The following ITGB2 variants were observed in gnomAD, a reference collection of about 807,000 sequenced individuals.
ITGB2 encodes the protein integrin beta-2.
Under a neutral mutation model 86.8 loss-of-function variants are expected in ITGB2, and 56 were observed. That is an observed-to-expected ratio of 0.65 (90% CI 0.52 to 0.81). The LOEUF is 0.81. ITGB2 is among the 30% of genes least tolerant of loss of function. The probability of loss-of-function intolerance (pLI) is 0.00; values close to 1 mark genes in which losing one functional copy is unlikely to be tolerated. For missense variants in ITGB2, 948 were observed against 1,061.2 expected, an observed-to-expected ratio of 0.89 and a Z score of 1.48; for synonymous variants, 457 against 450.4, an observed-to-expected ratio of 1.01 and a Z score of -0.19.
chr21:44,887,460 G>C (rs933308105), intron 14 of ITGB2, among the ~76,000 whole-genome samples: 2 of 152,092 alleles, frequency 1.3e-5, no homozygotes, highest in South Asian at 4.1e-4. Flanking sequence ...TGCTGACCCT[G>C]GGACAGACAC....
intron 10 of ITGB2, among the ~76,000 whole-genome samples, chr21:44,892,385 C>T (rs1359471030): frequency 1.3e-5 from 2 of 152,110 alleles, no homozygotes; most frequent in African/African-American, 2.4e-5. Context: ...TGTGGGAGGC[C>T]GAGGCGGGTA....
chr21:44,888,616 C>T lies in ITGB2; in HGVS notation c.2080+77G>A, dbSNP rs569637858. On this transcript the variant is annotated intron_variant, in intron 14 of 15. Coordinates refer to ENST00000652462, the MANE Select transcript of ITGB2 (RefSeq NM_000211.5). The stretch of plus-strand genomic sequence containing the variant: ...AACACTGGAGGTGAGATCCTCCTTC[C>T]GCACCACCCTCGCCTCTGCGGAGAC... 360 of 1,505,470 alleles carry T rather than the reference C, an allele frequency of 2.4e-4. 1 individual carries two copies. The highest frequency in any genetic ancestry group is 2.5e-4 in the Non-Finnish European group (277 of 1,099,244). The allele number at this position is 1,505,470 out of a possible 1,614,324, so 93.3% of individuals were successfully genotyped here.
chr21:44,889,021 G>T, intron 13 of ITGB2, 126 bp from the exon 14 acceptor site: 2 of 797,578 alleles, frequency 2.5e-6, no homozygotes, highest in Non-Finnish European at 4.1e-6. Context: ...GGCCAAGGAG[G>T]GGGCCCAAGT....
At chr21:44,917,624 G>A (rs573729042) in intron 1 of ITGB2, among the ~76,000 whole-genome samples, 1 of 152,214 alleles carries the variant, frequency 6.6e-6, no homozygotes, top group East Asian at 1.9e-4. Flanking sequence ...CATGGGACAG[G>A]GGCTTGCCAG....
chr21:44,890,633 C>T (rs1367649281), intron 11 of ITGB2, among the ~76,000 whole-genome samples: 5 of 152,328 alleles, frequency 3.3e-5, no homozygotes, highest in East Asian at 1.9e-4. Context: ...CTCCTGCGTT[C>T]GTGCACTGAC....
rs149429459 is a variant in ITGB2, at chr21:44,907,048, C to G, written c.195G>C (p.Arg65=). The G allele has an allele frequency of 9.1e-5, 146 of 1,612,262 alleles. No homozygotes were observed. In the African/African-American group the frequency reaches 1.8e-3, roughly 20 times the overall value. Reference sequence around the variant, plus strand: ...CACAGCCCCTCATGAGCAGCTGTGGCCGGGTGTCGCAGCGAATGGAGTCAG... The same window carrying G: ...CACAGCCCCTCATGAGCAGCTGTGGGCGGGTGTCGCAGCGAATGGAGTCAG... ...GDPDSIRCDT[R]PQLLMRGCAA... The change falls in exon 4 of 16, where the codon CGG becomes CGC. Residue 65 remains arginine (R), a synonymous_variant. Coordinates refer to ENST00000652462, the MANE Select transcript of ITGB2 (RefSeq NM_000211.5).
At chr21:44,915,991 C>T (rs140251554) in intron 1 of ITGB2, among the ~76,000 whole-genome samples, 2,142 of 152,198 alleles carry the variant, frequency 0.014, 54 homozygotes, top group African/African-American at 0.048. Context: ...GGCTAGATCT[C>T]GGCTCACTGC....
At chr21:44,911,227 CATA>C (rs1442356882) in intron 1 of ITGB2, 2 of 278,032 alleles carry the variant, frequency 7.2e-6, no homozygotes, top group Non-Finnish European at 1.4e-5. Flanking sequence ...TTACCCACAC[CATA>C]CTCCCCGCAA....
chr21:44,897,473 C>T (rs1007926588), intron 8 of ITGB2, among the ~76,000 whole-genome samples: 2 of 152,198 alleles, frequency 1.3e-5, no homozygotes, highest in Non-Finnish European at 2.9e-5. Flanking sequence ...GCCAGCAGGT[C>T]GGTCACTGTC....
At chr21:44,905,053 G>A (rs759528231) in intron 4 of ITGB2, among the ~76,000 whole-genome samples, 4 of 152,242 alleles carry the variant, frequency 2.6e-5, no homozygotes, top group Non-Finnish European at 5.9e-5. Flanking sequence ...CATGGAGGAG[G>A]CAGCCAAGAC....
intron 10 of ITGB2, among the ~76,000 whole-genome samples, chr21:44,892,346 G>A (rs1269358689): frequency 2.6e-5 from 4 of 151,722 alleles, no homozygotes; most frequent in East Asian, 1.9e-4. Context: ...ACAGCTGGGC[G>A]CCGCGGCTCA....
At chr21:44,922,900 C>G (rs570806641), upstream of ITGB2, 1 of 152,178 alleles carries the variant, frequency 6.6e-6, no homozygotes, top group Non-Finnish European at 1.5e-5. Flanking sequence ...TCAAGGGTAT[C>G]TTCTCATTAC....
chr21:44,895,357 C>T (rs2083850197), intron 8 of ITGB2, among the ~76,000 whole-genome samples: 1 of 151,818 alleles, frequency 6.6e-6, no homozygotes. Flanking sequence ...TAAGAAGACC[C>T]CATCTCTACA....
intron 8 of ITGB2, among the ~76,000 whole-genome samples, chr21:44,897,186 T>C (rs2083882412): frequency 6.6e-6 from 1 of 152,190 alleles, no homozygotes; most frequent in Non-Finnish European, 1.5e-5. Context: ...GAACCGCTGG[T>C]CTCGCTGTCG....
At chr21:44,903,225 G>T in intron 5 of ITGB2, 140 bp downstream of exon 5, 1 of 935,564 alleles carries the variant, frequency 1.1e-6, no homozygotes, top group Non-Finnish European at 1.7e-6. Context: ...GCAGCCCTGT[G>T]GATGCCCTGG....
At chr21:44,904,686 A>G (rs981862160) in intron 4 of ITGB2, among the ~76,000 whole-genome samples, 2 of 151,762 alleles carry the variant, frequency 1.3e-5, no homozygotes, top group African/African-American at 4.8e-5. Flanking sequence ...TCACGCACAT[A>G]CACCACACAC....
At chr21:44,914,146 C>A (rs1408520551) in intron 1 of ITGB2, 2 of 152,780 alleles carry the variant, frequency 1.3e-5, no homozygotes, top group African/African-American at 4.8e-5. Context: ...CCCTCCTCAT[C>A]CTCCAGCTCT....
At chr21:44,902,216 T>C (rs543942130) in intron 5 of ITGB2, among the ~76,000 whole-genome samples, 3 of 152,370 alleles carry the variant, frequency 2.0e-5, no homozygotes, top group South Asian at 2.1e-4. Context: ...GATTTATACA[T>C]GTGAGTGAAG....
At position 44,920,216 on chromosome 21, in the gene ITGB2, C is replaced by T. The variant is rs568767011; in HGVS notation, c.-4+605G>A. Among the ~76,000 whole-genome samples the T allele has an allele frequency of 4.6e-5, 7 of 152,144 alleles. No individual in the cohort carries two copies. The East Asian group carries it at 5.8e-4, about 13-fold the overall frequency. ...TACAACAGACTCCCCACATCACATGCGCACACTCGCACACCATACATGCAC... is the reference window on the plus strand; with the variant it reads ...TACAACAGACTCCCCACATCACATGTGCACACTCGCACACCATACATGCAC... On this transcript the variant is annotated intron_variant, in intron 1 of 15. Coordinates refer to ENST00000652462, the MANE Select transcript of ITGB2 (RefSeq NM_000211.5).
Sources: gnomAD v4.1 joint callset for allele counts (sites outside exome capture counted in the v4.1 genomes callset) on GRCh38, gnomAD v4.1.1 for gene constraint, MANE v1.5 for transcripts, NCBI Gene and HGNC (gene_info 2026-07-23, HGNC 2026-07-21) for gene names.